TRPM3: variants seen among roughly 807,000 people sequenced by gnomAD.
TRPM3 encodes the protein long transient receptor potential channel 3.
In TRPM3, 77 loss-of-function variants were observed where a neutral mutation model predicts 181.2. That is an observed-to-expected ratio of 0.42 (90% confidence interval 0.35 to 0.51). The LOEUF (loss-of-function observed/expected upper bound fraction) is 0.51, where lower values mean the gene tolerates loss of function less well. Among genes scored for constraint, TRPM3 ranks in the 20% least tolerant of loss-of-function variants. The pLI, the probability that TRPM3 is intolerant of heterozygous loss-of-function variation, is 0.01. For synonymous variants in TRPM3, 745 were observed against 796.4 expected, an observed-to-expected ratio of 0.94 and a Z score of 1.09; for missense variants, 1,759 against 2,196.7, an observed-to-expected ratio of 0.80 and a Z score of 3.98.
At chr9:70,840,594 A>T (rs2094574027) in intron 5 of TRPM3, among the ~76,000 whole-genome samples, 1 of 152,104 alleles carries the variant, frequency 6.6e-6, no homozygotes, top group South Asian at 2.1e-4. Context: ...CATACAACCA[A>T]GAAGAAGAAT....
chr9:71,285,876 G>T (rs545277628), intron 1 of TRPM3, among the ~76,000 whole-genome samples: 63 of 152,098 alleles, frequency 4.1e-4, no homozygotes, highest in Non-Finnish European at 8.5e-4. Flanking sequence ...TCCATTATGC[G>T]CTGTAATTTC....
intron 1 of TRPM3, among the ~76,000 whole-genome samples, chr9:71,354,372 T>A (rs533388998): frequency 3.9e-5 from 6 of 152,214 alleles, no homozygotes; most frequent in Middle Eastern, 3.4e-3. Context: ...CCGCATCCCA[T>A]CCACCCACAC....
chr9:71,140,665 T>G (rs1415666476), intron 1 of TRPM3, among the ~76,000 whole-genome samples: 1 of 152,186 alleles, frequency 6.6e-6, no homozygotes. Flanking sequence ...ATTCATTCAT[T>G]CATGCATTCA....
intron 1 of TRPM3, among the ~76,000 whole-genome samples, chr9:71,262,559 G>T (rs1229580022): frequency 6.6e-6 from 1 of 152,000 alleles, no homozygotes; most frequent in Non-Finnish European, 1.5e-5. Flanking sequence ...GTGCCACTGG[G>T]GTACCAAAAA....
At chr9:70,859,434 A>C (rs1387168432) in intron 3 of TRPM3, among the ~76,000 whole-genome samples, 1 of 152,154 alleles carries the variant, frequency 6.6e-6, no homozygotes, top group Non-Finnish European at 1.5e-5. Context: ...TTAGTTAACT[A>C]TTAAGGGCTG....
chr9:70,557,858 G>C (rs1203285985), intron 22 of TRPM3, among the ~76,000 whole-genome samples: 1 of 152,206 alleles, frequency 6.6e-6, no homozygotes, highest in Non-Finnish European at 1.5e-5. Context: ...CATGGTGACA[G>C]TCAGTACAGA....
chr9:71,270,128 T>C (rs2083681269), intron 1 of TRPM3, among the ~76,000 whole-genome samples: 1 of 152,190 alleles, frequency 6.6e-6, no homozygotes, highest in South Asian at 2.1e-4. Context: ...GGCAGGCTCA[T>C]CACCTGAGGT....
At chr9:71,298,329 T>G (rs1050906244) in intron 1 of TRPM3, among the ~76,000 whole-genome samples, 1 of 152,128 alleles carries the variant, frequency 6.6e-6, no homozygotes, top group African/African-American at 2.4e-5. Flanking sequence ...CATTTCCTTA[T>G]TATGAAGATC....
chr9:70,880,097 T>A (rs1251290364), intron 1 of TRPM3, among the ~76,000 whole-genome samples: 2 of 152,130 alleles, frequency 1.3e-5, no homozygotes, highest in Non-Finnish European at 2.9e-5. Flanking sequence ...GGATAAGGGG[T>A]CCACACTATC....
intron 1 of TRPM3, among the ~76,000 whole-genome samples, chr9:71,273,201 T>C (rs945235676): frequency 7.9e-5 from 12 of 152,202 alleles, no homozygotes; most frequent in African/African-American, 2.4e-4. Context: ...CCATTTGGCA[T>C]GACCAGAATC....
intron 1 of TRPM3, among the ~76,000 whole-genome samples, chr9:70,987,972 A>T (rs1433609924): frequency 1.3e-5 from 2 of 152,144 alleles, no homozygotes; most frequent in Non-Finnish European, 2.9e-5. Context: ...ATAATTTATT[A>T]TCATTGCACA....
At chr9:70,585,368 C>T (rs907920869) in intron 22 of TRPM3, among the ~76,000 whole-genome samples, 1 of 152,134 alleles carries the variant, frequency 6.6e-6, no homozygotes, top group African/African-American at 2.4e-5. Flanking sequence ...GCTCACCCAT[C>T]ATGGCATTAA....
intron 10 of TRPM3, 25 bp from the exon 11 acceptor site, chr9:70,639,219 T>C (rs1339698051): frequency 6.2e-7 from 1 of 1,612,590 alleles, no homozygotes; most frequent in East Asian, 2.2e-5. Context: ...ACTGAGTTAG[T>C]CTGCCCCAGG....
intron 1 of TRPM3, among the ~76,000 whole-genome samples, chr9:70,983,763 C>T (rs951859728): frequency 6.6e-6 from 1 of 150,778 alleles, no homozygotes; most frequent in African/African-American, 2.5e-5. Flanking sequence ...CAAAGTTGAT[C>T]CTATCTTGAA....
intron 19 of TRPM3, among the ~76,000 whole-genome samples, chr9:70,607,697 T>C (rs1447302898): frequency 6.6e-6 from 1 of 152,204 alleles, no homozygotes; most frequent in Non-Finnish European, 1.5e-5. Flanking sequence ...GGGTCTATGA[T>C]GGGGCTAGAA....
At chr9:71,371,998 T>G (rs1205139519) in intron 1 of TRPM3, among the ~76,000 whole-genome samples, 1 of 152,080 alleles carries the variant, frequency 6.6e-6, no homozygotes, top group South Asian at 2.1e-4. Context: ...CCCCCACAGG[T>G]GCCCAGTGTG....
chr9:70,537,072 T>C lies in TRPM3; in HGVS notation c.4041A>G (p.Arg1347=). The change falls in exon 26 of 26, where the codon CGA becomes CGG. Residue 1347 remains arginine (R), a synonymous_variant. Coordinates refer to ENST00000677713, the MANE Select transcript of TRPM3 (RefSeq NM_001366145.2). ...PTSPTLMPRM[R]SHSFYSVNMK... ...TATTGACCGAATAGAAAGAATGGCT[T>C]CGCATACGGGGCATTAAGGTTGGAG... The C allele has an allele frequency of 6.2e-7, 1 of 1,612,220 alleles. No individual in the cohort carries two copies. The highest frequency in any genetic ancestry group is 8.5e-7 in the Non-Finnish European group (1 of 1,178,294).
chr9:71,401,042 A>G (rs1019643331), intron 1 of TRPM3, among the ~76,000 whole-genome samples: 1 of 152,034 alleles, frequency 6.6e-6, no homozygotes, highest in African/African-American at 2.4e-5. Flanking sequence ...TACTAAAAAT[A>G]CAAAAATTGG....
intron 1 of TRPM3, among the ~76,000 whole-genome samples, chr9:71,436,625 C>T (rs2094044726): frequency 6.6e-6 from 1 of 151,924 alleles, no homozygotes. Flanking sequence ...TCTTCCCAGT[C>T]TTGAGTATGT....
Sources: allele counts gnomAD v4.1 joint callset (sites outside exome capture counted in the v4.1 genomes callset), GRCh38; gene constraint gnomAD v4.1.1; transcripts MANE v1.5; gene names NCBI Gene and HGNC (gene_info 2026-07-23, HGNC 2026-07-21).